The following DCC variants were observed in gnomAD, a reference collection of about 807,000 sequenced individuals.
The protein encoded by DCC is netrin receptor DCC.
A neutral mutation model predicts 172.5 loss-of-function variants in DCC; 58 were observed. The observed-to-expected ratio is 0.34, with a 90% CI of 0.27 to 0.42. DCC has a LOEUF of 0.42. DCC is among the 10% of genes least tolerant of loss of function. DCC has a pLI of 1.00. For missense variants in DCC, 1,740 were observed against 1,791.0 expected (o/e 0.97, Z 0.51); for synonymous variants, 709 against 644.5 (o/e 1.10, Z -1.52).
intron 21 of DCC, among the ~76,000 whole-genome samples, chr18:53,432,120 C>T (rs187229771): frequency 3.9e-5 from 6 of 152,060 alleles, no homozygotes; most frequent in Admixed American, 2.0e-4. Flanking sequence ...TTTAATAATA[C>T]TTTTGATAAG....
chr18:53,261,885 A>G (rs950950579), intron 12 of DCC, among the ~76,000 whole-genome samples: 1 of 152,178 alleles, frequency 6.6e-6, no homozygotes, highest in Non-Finnish European at 1.5e-5. Context: ...TTCTTCAGAA[A>G]GGTAGATCCC....
intron 3 of DCC, among the ~76,000 whole-genome samples, chr18:52,910,526 A>G (rs572049003): frequency 1.6e-4 from 25 of 152,268 alleles, no homozygotes; most frequent in African/African-American, 5.3e-4. Context: ...ACAAAACACT[A>G]AGAGTTGAGA....
intron 5 of DCC, among the ~76,000 whole-genome samples, chr18:52,966,144 C>A (rs545940596): frequency 5.3e-5 from 8 of 152,178 alleles, no homozygotes; most frequent in African/African-American, 1.9e-4. Flanking sequence ...CCTATCTAAC[C>A]TTTTTCCCTT....
chr18:53,400,974 T>C (rs878868445), intron 18 of DCC, among the ~76,000 whole-genome samples: 27 of 152,180 alleles, frequency 1.8e-4, no homozygotes, highest in African/African-American at 6.0e-4. Flanking sequence ...CTTCCAGAAG[T>C]GGAAAATTCC....
intron 2 of DCC, among the ~76,000 whole-genome samples, chr18:52,793,810 G>A (rs1259343771): frequency 6.6e-6 from 1 of 152,068 alleles, no homozygotes; most frequent in Non-Finnish European, 1.5e-5. Flanking sequence ...GTTGATTTTT[G>A]TATGTGGCAA....
chr18:53,402,400 A>T (rs1690336379), intron 18 of DCC, among the ~76,000 whole-genome samples: 1 of 131,610 alleles, frequency 7.6e-6, no homozygotes, highest in Admixed American at 7.4e-5. Context: ...AAAAAAAAAA[A>T]AAAATAAATA....
intron 16 of DCC, among the ~76,000 whole-genome samples, chr18:53,387,303 A>G (rs2144998497): frequency 6.6e-6 from 1 of 152,292 alleles, no homozygotes; most frequent in South Asian, 2.1e-4. Flanking sequence ...GGCCTTTAGA[A>G]AATACTGTCA....
At chr18:53,170,186 A>G (rs1012143592) in intron 8 of DCC, among the ~76,000 whole-genome samples, 3 of 152,194 alleles carry the variant, frequency 2.0e-5, no homozygotes, top group South Asian at 2.1e-4. Context: ...GCCACGCAGC[A>G]GTTTGGCAGC....
chr18:53,517,276 C>T (rs1171126302), intron 27 of DCC, among the ~76,000 whole-genome samples: 5 of 148,286 alleles, frequency 3.4e-5, no homozygotes, highest in Non-Finnish European at 7.4e-5. Context: ...GGAAGGGGAA[C>T]ATCACACTCT....
At chr18:52,638,705 G>A (rs149405547) in intron 1 of DCC, among the ~76,000 whole-genome samples, 2 of 152,124 alleles carry the variant, frequency 1.3e-5, no homozygotes, top group East Asian at 3.9e-4. Context: ...TTTTAGTAAT[G>A]AGATAGACAG....
chr18:52,520,090 T>C (rs1332224980), intron 1 of DCC, among the ~76,000 whole-genome samples: 3 of 152,222 alleles, frequency 2.0e-5, no homozygotes, highest in Admixed American at 1.3e-4. Flanking sequence ...CAAAGCCTAC[T>C]GAAGCACCAG....
intron 2 of DCC, among the ~76,000 whole-genome samples, chr18:52,853,648 T>A (rs1318157926): frequency 6.6e-6 from 1 of 152,198 alleles, no homozygotes; most frequent in Non-Finnish European, 1.5e-5. Context: ...AACAAGTAAT[T>A]TGCACACAAT....
At chr18:52,732,561 T>A (rs2036660579) in intron 1 of DCC, among the ~76,000 whole-genome samples, 1 of 152,206 alleles carries the variant, frequency 6.6e-6, no homozygotes, top group Non-Finnish European at 1.5e-5. Flanking sequence ...TGGCTGCTTT[T>A]CTGCTGCAAT....
chr18:52,828,048 C>T (rs955680547), intron 2 of DCC, among the ~76,000 whole-genome samples: 1 of 152,086 alleles, frequency 6.6e-6, no homozygotes, highest in African/African-American at 2.4e-5. Context: ...TGTCCTGTGT[C>T]CCAGCTCTAG....
At chr18:52,630,912 A>G (rs1222934128) in intron 1 of DCC, among the ~76,000 whole-genome samples, 1 of 152,182 alleles carries the variant, frequency 6.6e-6, no homozygotes, top group Admixed American at 6.5e-5. Context: ...TCTTACCAAT[A>G]TTCTAGAAAT....
At chr18:53,150,586 T>C (rs1339503220) in intron 7 of DCC, among the ~76,000 whole-genome samples, 1 of 151,440 alleles carries the variant, frequency 6.6e-6, no homozygotes, top group Non-Finnish European at 1.5e-5. Flanking sequence ...GACAGGAGAG[T>C]TTGTCTTGTC....
chr18:53,310,529 CAG>C (rs1362834089), intron 13 of DCC, among the ~76,000 whole-genome samples: 5 of 151,830 alleles, frequency 3.3e-5, no homozygotes, highest in Non-Finnish European at 7.4e-5. Context: ...CAAAGTAATT[CAG>C]AGTTATAACA....
chr18:52,540,597 C>CTTTTT lies in DCC; in HGVS notation c.91+199742_91+199746dup, dbSNP rs71175505. ...ACTACCGTTAGGTGTATTCAACTGC[C>CTTTTT]TTTTTTTTTTTTTTTTTTTTTTTTT... On this transcript the variant is annotated intron_variant, in intron 1 of 28. Coordinates refer to ENST00000442544, the MANE Select transcript of DCC (RefSeq NM_005215.4). 7.9e-4 allele frequency among the ~76,000 whole-genome samples: 53 copies of CTTTTT among 67,486 alleles called. 15 individuals carry two copies. Among genetic ancestry groups the CTTTTT allele is most frequent in the African/African-American group, 1.2e-3 (18 of 14,660 alleles). The allele number at this position is 67,486 out of a possible 152,430, so 44.3% of individuals were successfully genotyped here. A position where few individuals can be genotyped will look rare whatever the true frequency, so the allele number is the denominator to read the frequency against.
chr18:53,419,488 C>G (rs746970465), intron 21 of DCC, among the ~76,000 whole-genome samples: 15 of 152,088 alleles, frequency 9.9e-5, no homozygotes, highest in Non-Finnish European at 1.8e-4. Context: ...CTATTCTCTA[C>G]ATCGATGAAT....
Sources: allele counts gnomAD v4.1 joint callset (sites outside exome capture counted in the v4.1 genomes callset), GRCh38; gene constraint gnomAD v4.1.1; transcripts MANE v1.5; gene names NCBI Gene and HGNC (gene_info 2026-07-23, HGNC 2026-07-21).